The following RASSF8 variants were observed in gnomAD, a reference collection of about 807,000 sequenced individuals.
The protein encoded by RASSF8 is Ras association domain family member 8, also known as ras association domain-containing protein 8.
A neutral mutation model predicts 48.5 loss-of-function variants in RASSF8; 22 were observed. The observed-to-expected ratio is 0.45, with a 90% confidence interval of 0.32 to 0.65. The LOEUF is 0.65. Among genes scored for constraint, RASSF8 ranks in the 30% least tolerant of loss-of-function variants. The probability of loss-of-function intolerance (pLI) is 0.03; values close to 1 mark genes in which losing one functional copy is unlikely to be tolerated. For missense variants in RASSF8, 418 were observed against 489.2 expected, an observed-to-expected ratio of 0.85 and a Z score of 1.37; for synonymous variants, 127 against 171.5, an observed-to-expected ratio of 0.74 and a Z score of 2.03.
intron 1 of RASSF8, among the ~76,000 whole-genome samples, chr12:25,964,088 A>G (rs889950366): frequency 2.2e-4 from 34 of 152,176 alleles, no homozygotes; most frequent in Non-Finnish European, 1.5e-5. Flanking sequence ...GGACATTCGC[A>G]TCACGAGTAG....
At chr12:25,959,201 G>A in intron 1 of RASSF8, 53 bp downstream of exon 1, 1 of 152,332 alleles carries the variant, frequency 6.6e-6, no homozygotes, top group Non-Finnish European at 1.5e-5. Context: ...CGGGGACCCC[G>A]CCCGTCCCGC....
rs551491284 is a variant in RASSF8 at position 25,999,782 on chromosome 12, C to T, written c.-109+4652C>T. Among the ~76,000 whole-genome samples the T allele has an allele frequency of 3.9e-5, 6 of 152,216 alleles. No homozygotes were observed. In the South Asian group the frequency reaches 1.2e-3, roughly 32 times the overall value. On this transcript the variant is annotated intron_variant, in intron 2 of 5. Transcript: ENST00000689635. ...GTTCCACTGTAAATCATGTAAATAT[C>T]ATGATCTTTTGTGTATGATAATAAT...
At chr12:25,970,308 A>G (rs1489074966) in intron 1 of RASSF8, among the ~76,000 whole-genome samples, 6 of 151,888 alleles carry the variant, frequency 4.0e-5, no homozygotes, top group South Asian at 4.2e-4. Context: ...CCACTGAACT[A>G]TGTGTCAGTT....
At chr12:25,990,433 TATG>T (rs1336966689) in intron 1 of RASSF8, among the ~76,000 whole-genome samples, 2 of 152,232 alleles carry the variant, frequency 1.3e-5, no homozygotes, top group Non-Finnish European at 2.9e-5. Flanking sequence ...GTATTTTAAA[TATG>T]ATAAGAGCTT....
At chr12:25,975,647 A>G (rs768855052) in intron 1 of RASSF8, among the ~76,000 whole-genome samples, 3 of 152,254 alleles carry the variant, frequency 2.0e-5, no homozygotes, top group Admixed American at 2.0e-4. Context: ...TGCCTTTTAA[A>G]AAGCTTGCAA....
At chr12:26,020,470 GTAAATATAAA>G (rs1942761645) in intron 2 of RASSF8, 1 of 152,048 alleles carries the variant, frequency 6.6e-6, no homozygotes, top group African/African-American at 2.4e-5. Flanking sequence ...AAAATAGATT[GTAAATATAAA>G]ATAAACCAAC....
At chr12:26,060,110 G>A (rs1469360205) in intron 3 of RASSF8, among the ~76,000 whole-genome samples, 3 of 152,144 alleles carry the variant, frequency 2.0e-5, no homozygotes, top group Non-Finnish European at 4.4e-5. Context: ...TGTTAGCCAG[G>A]ATGGTCTCGA....
chr12:26,056,539 A>G (rs1041747646), intron 3 of RASSF8, among the ~76,000 whole-genome samples: 9 of 152,252 alleles, frequency 5.9e-5, no homozygotes, highest in East Asian at 1.9e-4. Context: ...AAGCATGTCA[A>G]TTAGCTCAGC....
intron 1 of RASSF8, among the ~76,000 whole-genome samples, chr12:25,985,895 G>A (rs969699171): frequency 2.0e-5 from 3 of 152,198 alleles, no homozygotes; most frequent in African/African-American, 7.2e-5. Flanking sequence ...TGGGACATAT[G>A]TTCTTTAACT....
intron 2 of RASSF8, among the ~76,000 whole-genome samples, chr12:26,042,027 A>G (rs552796655): frequency 6.2e-4 from 94 of 152,342 alleles, no homozygotes; most frequent in African/African-American, 2.1e-3. Flanking sequence ...GGACTTTTCA[A>G]TCTGAATTTA....
At chr12:26,045,882 A>T (rs147133372) in intron 2 of RASSF8, among the ~76,000 whole-genome samples, 235 of 152,332 alleles carry the variant, frequency 1.5e-3, no homozygotes, top group African/African-American at 5.6e-3. Context: ...TGGTGACTGG[A>T]AGGTAACGAA....
At chr12:26,022,601 C>T (rs1187189249) in intron 2 of RASSF8, among the ~76,000 whole-genome samples, 1 of 152,116 alleles carries the variant, frequency 6.6e-6, no homozygotes, top group Admixed American at 6.5e-5. Context: ...AGATATGATA[C>T]ACTGCCTCAT....
rs1416210937 is a variant in RASSF8 at position 26,064,745 on chromosome 12, C to T, written c.351C>T (p.Asp117=). 4.3e-6 allele frequency: 7 copies of T among 1,613,842 alleles called. No individual in the cohort carries two copies. The South Asian group carries it at 6.6e-5, about 15-fold the overall frequency. The stretch of plus-strand genomic sequence containing the variant: ...TAGCTAAACTGAGGCCTCAGATTGA[C>T]AAATCAATCAAAAGGAGGGAACCGA... ...PPLAKLRPQI[D]KSIKRREPKR... Residue 117 remains aspartate (D), a synonymous_variant, in exon 4 of 6, where the codon GAC becomes GAT. Coordinates refer to ENST00000689635, the MANE Select transcript of RASSF8 (RefSeq NM_001394098.1).
chr12:26,061,402 G>A (rs2137279367), intron 3 of RASSF8, among the ~76,000 whole-genome samples: 1 of 152,222 alleles, frequency 6.6e-6, no homozygotes, highest in South Asian at 2.1e-4. Flanking sequence ...AGTTTCTTCA[G>A]TATATAAATT....
At chr12:25,960,012 G>C (rs751843234) in intron 1 of RASSF8, among the ~76,000 whole-genome samples, 12 of 151,826 alleles carry the variant, frequency 7.9e-5, no homozygotes, top group Non-Finnish European at 1.5e-4. Flanking sequence ...AAACCTGTCA[G>C]GTTAGCCCTG....
chr12:26,040,904 T>TC (rs1943250108), intron 2 of RASSF8, among the ~76,000 whole-genome samples: 1 of 151,838 alleles, frequency 6.6e-6, no homozygotes. Context: ...TTTTTTTTTT[T>TC]TGAGACAGAG....
intron 1 of RASSF8, among the ~76,000 whole-genome samples, chr12:25,968,369 G>C (rs548596624): frequency 2.6e-5 from 4 of 152,050 alleles, no homozygotes; most frequent in African/African-American, 9.7e-5. Flanking sequence ...TTGAGACAGA[G>C]TCTCGCTCTG....
chr12:25,969,928 T>A (rs767844086), intron 1 of RASSF8, among the ~76,000 whole-genome samples: 1 of 152,050 alleles, frequency 6.6e-6, no homozygotes, highest in African/African-American at 2.4e-5. Context: ...TTTAGACCTT[T>A]ATTTCCCCGA....
At position 26,030,748 on chromosome 12, in the gene RASSF8, C is replaced by A. The variant is rs180787635; in HGVS notation, c.-108-24488C>A. On this transcript the variant is annotated intron_variant, in intron 2 of 5. Coordinates refer to ENST00000689635, the MANE Select transcript of RASSF8 (RefSeq NM_001394098.1). ...AAGCAGCCCAGATTAACTTCTGGAA[C>A]AAAGTTAGGACTTAAAAAGTATTTC... Among the ~76,000 whole-genome samples the A allele has an allele frequency of 1.5e-4, 22 of 151,632 alleles. No homozygotes were observed. In the East Asian group the frequency reaches 3.5e-3, roughly 24 times the overall value.
Sources: allele counts gnomAD v4.1 joint callset (sites outside exome capture counted in the v4.1 genomes callset), GRCh38; gene constraint gnomAD v4.1.1; transcripts MANE v1.5; gene names NCBI Gene and HGNC (gene_info 2026-07-23, HGNC 2026-07-21).